The following HSPA14 variants were observed in gnomAD, a reference collection of about 807,000 sequenced individuals.
HSPA14 encodes the protein heat shock protein family A (Hsp70) member 14, also known as heat shock 70 kDa protein 14.
A neutral mutation model predicts 65.5 loss-of-function variants in HSPA14; 37 were observed. The ratio of observed to expected loss-of-function variants is 0.56; its 90% CI spans 0.43 to 0.74. The LOEUF is 0.74. Among genes scored for constraint, HSPA14 ranks in the 30% least tolerant of loss-of-function variants. The pLI, the probability that HSPA14 is intolerant of heterozygous loss-of-function variation, is 0.00. For synonymous variants in HSPA14, 203 were observed against 214.2 expected (o/e 0.95, Z 0.46); for missense variants, 564 against 607.6 (o/e 0.93, Z 0.75).
intron 3 of HSPA14, chr10:14,847,117 G>A (rs1348249029): frequency 5.3e-6 from 4 of 759,316 alleles, no homozygotes; most frequent in Non-Finnish European, 6.4e-6. Flanking sequence ...GGAGCTATAT[G>A]TGCTTTCTGT....
In HSPA14 at chr10:14,862,376, C is replaced by CTT. The variant is rs753404160; in HGVS notation, c.994-4692_994-4691dup. Among the ~76,000 whole-genome samples, 85 of 128,628 alleles carry CTT rather than the reference C, an allele frequency of 6.6e-4. 1 individual carries two copies. Among genetic ancestry groups the CTT allele is most frequent in the African/African-American group, 2.0e-3 (68 of 34,524 alleles). The allele number at this position is 128,628 out of a possible 152,430, so 84.4% of individuals were successfully genotyped here. A position where few individuals can be genotyped will look rare whatever the true frequency, so the allele number is the denominator to read the frequency against. On this transcript the variant is annotated intron_variant, in intron 10 of 13. Transcript: ENST00000378372. ...TTGAGAAAGCTCTTTCTTTTCTTTT[C>CTT]TTTTTTTTTTTTTTTTGAGACGGAG...
intron 3 of HSPA14, 151 bp from the exon 4 acceptor site, chr10:14,848,458 T>A (rs1834081253): frequency 1.8e-6 from 1 of 545,258 alleles, no homozygotes; most frequent in African/African-American, 1.9e-5. Context: ...TTCTGTAATA[T>A]TTGAAGACTT....
Position 14,839,566 on chromosome 10 carries a change from G to A in HSPA14, c.58-339G>A, listed in dbSNP as rs559245208. ...AGCCTGGGCCACGGAGCAAGACTCC[G>A]TGTCCAAAAAAAAAAAAAAAAGAAA... On this transcript the variant is annotated intron_variant, in intron 1 of 13. Coordinates refer to ENST00000378372, the MANE Select transcript of HSPA14 (RefSeq NM_016299.4). Among the ~76,000 whole-genome samples, 29 of 149,268 alleles carry A rather than the reference G, an allele frequency of 1.9e-4. No individual in the cohort carries two copies. The South Asian group carries it at 2.3e-3, about 12-fold the overall frequency.
At chr10:14,839,294 C>T (rs1344752557) in intron 1 of HSPA14, among the ~76,000 whole-genome samples, 2 of 152,202 alleles carry the variant, frequency 1.3e-5, no homozygotes, top group Non-Finnish European at 2.9e-5. Flanking sequence ...AAGAAAGGGG[C>T]CCAGCGCGGT....
chr10:14,848,479 G>A lies in HSPA14; in HGVS notation c.222-130G>A. ...AATATTTGAAGACTTTTAGTATTAA[G>A]CAGCTTAATAACTTTGTTAATATTT... is the stretch of plus-strand genomic sequence containing the variant. On this transcript the variant is annotated intron_variant, in intron 3 of 13. Transcript: ENST00000378372. 5.0e-6 allele frequency: 3 copies of A among 597,394 alleles called. No individual in the cohort carries two copies. In the South Asian group the frequency reaches 7.6e-5, roughly 15 times the overall value. 37.0% of individuals were successfully genotyped at this position (597,394 alleles called of 1,614,324 possible). A position where few individuals can be genotyped will look rare whatever the true frequency, so the allele number is the denominator to read the frequency against.
intron 3 of HSPA14, chr10:14,844,924 C>T (rs1834030049): frequency 1.0e-6 from 1 of 985,364 alleles, no homozygotes; most frequent in African/African-American, 1.7e-5. Context: ...AGAAACGTTT[C>T]CTTTTGAGGA....
At chr10:14,864,230 C>T (rs1468589424) in intron 10 of HSPA14, among the ~76,000 whole-genome samples, 1 of 128,138 alleles carries the variant, frequency 7.8e-6, no homozygotes, top group African/African-American at 3.0e-5. Context: ...ACTCTGTCTC[C>T]GGAAAAAAAA....
Position 14,842,949 on chromosome 10 carries a change from T to A in HSPA14, c.221+2792T>A. 1.2e-6 allele frequency: 1 copy of A among 845,294 alleles called. No homozygotes were observed. The highest frequency in any genetic ancestry group is 1.8e-6 in the Non-Finnish European group (1 of 560,514). 52.4% of individuals were successfully genotyped at this position (845,294 alleles called of 1,614,324 possible). On this transcript the variant is annotated intron_variant, in intron 3 of 13. Coordinates refer to ENST00000378372, the MANE Select transcript of HSPA14 (RefSeq NM_016299.4). The surrounding 1 kb of genome is among the most constrained non-coding windows in gnomAD (Gnocchi z 5.2). ...TGTCCTCTTCAGCATAGTTCCTGTT[T>A]CTGCCTCATTCTGCCCCACGCACCT...
intron 10 of HSPA14, among the ~76,000 whole-genome samples, chr10:14,859,640 G>A (rs996250534): frequency 3.3e-5 from 5 of 152,096 alleles, no homozygotes; most frequent in East Asian, 1.9e-4. Flanking sequence ...TTGATGTACC[G>A]TCCTTCATAA....
At chr10:14,861,742 G>A (rs530375916) in intron 10 of HSPA14, among the ~76,000 whole-genome samples, 4 of 152,152 alleles carry the variant, frequency 2.6e-5, no homozygotes, top group East Asian at 1.9e-4. Flanking sequence ...AGCCAGGCTC[G>A]GTAGCTCACA....
At position 14,842,370 on chromosome 10, in the gene HSPA14, A is replaced by G; in HGVS notation, c.221+2213A>G. On this transcript the variant is annotated intron_variant, in intron 3 of 13. Transcript: ENST00000378372. The surrounding 1 kb of genome is among the most constrained non-coding windows in gnomAD (Gnocchi z 5.2). ...CTCTCCATACTAGGCGAGGCAGAGT[A>G]TATTCAGCGCCTCCAGACTGTGCAT... 2 of 1,536,174 alleles carry G rather than the reference A, an allele frequency of 1.3e-6. No homozygotes were observed. Among genetic ancestry groups the G allele is most frequent in the Non-Finnish European group, 1.7e-6 (2 of 1,146,916 alleles).
chr10:14,867,655 A>G, intron 11 of HSPA14, 81 bp from the exon 12 acceptor site: 3 of 1,190,992 alleles, frequency 2.5e-6, no homozygotes, highest in Non-Finnish European at 3.6e-6. Context: ...TAAGGAATAT[A>G]TATCTCATTT....
At chr10:14,869,792 T>A (rs1832839073) in intron 12 of HSPA14, among the ~76,000 whole-genome samples, 1 of 152,190 alleles carries the variant, frequency 6.6e-6, no homozygotes, top group Non-Finnish European at 1.5e-5. Context: ...TCCTAGTATT[T>A]CCTTAGCTCT....
chr10:14,848,704 C>T lies in HSPA14; in HGVS notation c.270+47C>T, dbSNP rs186835892. ...CTTCCCTGTTACATAGAGTAATTAC[C>T]AAGGTGATAACATGGAATGTTGATT... is the stretch of plus-strand genomic sequence containing the variant. On this transcript the variant is annotated intron_variant, in intron 4 of 13. Coordinates refer to ENST00000378372, the MANE Select transcript of HSPA14 (RefSeq NM_016299.4). 1.3e-4 allele frequency: 194 copies of T among 1,491,930 alleles called. No individual in the cohort carries two copies. In the African/African-American group the frequency reaches 2.4e-3, roughly 18 times the overall value. 92.4% of individuals were successfully genotyped at this position (1,491,930 alleles called of 1,614,324 possible). A position where few individuals can be genotyped will look rare whatever the true frequency, so the allele number is the denominator to read the frequency against.
chr10:14,840,579 T>C (rs1564318684), intron 3 of HSPA14, among the ~76,000 whole-genome samples: 1 of 152,232 alleles, frequency 6.6e-6, no homozygotes. Flanking sequence ...TTTGTGACAC[T>C]TTCTGGGAAC....
At chr10:14,847,052 C>T (rs1834064474) in intron 3 of HSPA14, 8 of 985,060 alleles carry the variant, frequency 8.1e-6, no homozygotes, top group African/African-American at 1.7e-5. Flanking sequence ...TTTGTTGCCT[C>T]CATTCTCTGC....
intron 10 of HSPA14, among the ~76,000 whole-genome samples, chr10:14,861,431 C>T (rs1422584029): frequency 6.6e-6 from 1 of 152,170 alleles, no homozygotes; most frequent in South Asian, 2.1e-4. Flanking sequence ...GCTCAAGCGA[C>T]CCTCCCGCCT....
intron 10 of HSPA14, among the ~76,000 whole-genome samples, chr10:14,861,772 G>T (rs563875708): frequency 6.6e-6 from 1 of 152,134 alleles, no homozygotes; most frequent in South Asian, 2.1e-4. Context: ...CCAGCACATT[G>T]GGAGGCCAAG....
intron 11 of HSPA14, 82 bp from the exon 12 acceptor site, chr10:14,867,654 T>C: frequency 3.4e-6 from 4 of 1,181,228 alleles, no homozygotes; most frequent in Non-Finnish European, 4.8e-6. Context: ...ATAAGGAATA[T>C]ATATCTCATT....
Sources: allele counts gnomAD v4.1 joint callset (sites outside exome capture counted in the v4.1 genomes callset), GRCh38; gene constraint gnomAD v4.1.1; non-coding constraint Gnocchi (gnomAD v3.1); transcripts MANE v1.5; gene names NCBI Gene and HGNC (gene_info 2026-07-23, HGNC 2026-07-21).